The following WDTC1 variants were observed in gnomAD, a reference collection of about 807,000 sequenced individuals.
The protein encoded by WDTC1 is WD and tetratricopeptide repeats 1.
Under a neutral mutation model 76.0 loss-of-function variants are expected in WDTC1, and 12 were observed. That is an observed-to-expected ratio of 0.16 (90% CI 0.10 to 0.26). The LOEUF is 0.26. Ranked by LOEUF, WDTC1 falls within the 10% of genes least tolerant of loss-of-function variation. The probability of loss-of-function intolerance (pLI) is 1.00; values close to 1 mark genes in which losing one functional copy is unlikely to be tolerated. For missense variants in WDTC1, 511 were observed against 908.8 expected (o/e 0.56, Z 5.63); for synonymous variants, 326 against 350.8 (o/e 0.93, Z 0.79).
At chr1:27,244,424 G>A (rs577314796) in intron 1 of WDTC1, among the ~76,000 whole-genome samples, 1 of 152,188 alleles carries the variant, frequency 6.6e-6, no homozygotes, top group South Asian at 2.1e-4. Context: ...TCAAACTCCT[G>A]GGCTCAAGCA....
At chr1:27,281,120 C>G (rs947456696) in intron 3 of WDTC1, among the ~76,000 whole-genome samples, 7 of 151,906 alleles carry the variant, frequency 4.6e-5, no homozygotes, top group Non-Finnish European at 8.8e-5. Context: ...CTCCTGTACC[C>G]CCAGCATCTG....
At chr1:27,275,059 A>C (rs529205820) in intron 3 of WDTC1, among the ~76,000 whole-genome samples, 4 of 152,222 alleles carry the variant, frequency 2.6e-5, no homozygotes, top group Admixed American at 1.3e-4. Flanking sequence ...AAAATGGCTT[A>C]ATAGATAGTT....
chr1:27,299,937 A>G (rs2013789473), intron 12 of WDTC1, among the ~76,000 whole-genome samples: 1 of 152,004 alleles, frequency 6.6e-6, no homozygotes, highest in Admixed American at 6.5e-5. Context: ...GGGAGCTGTC[A>G]CCCTCTGGCT....
At chr1:27,286,619 GC>G (rs1160975831) in intron 5 of WDTC1, among the ~76,000 whole-genome samples, 1 of 150,910 alleles carries the variant, frequency 6.6e-6, no homozygotes, top group Non-Finnish European at 1.5e-5. Context: ...ACAGGCGCAC[GC>G]CCGGCTAATT....
In WDTC1 at chr1:27,298,076, T is replaced by C. The variant is rs1386974604; in HGVS notation, c.1197T>C (p.Tyr399=). ...VQRAPHNAML[Y]GNRAAAYMKR... ...GGGCCCCTCACAATGCCATGCTTTATGGAAACCGAGCAGCAGCCTACATGA... is the reference window on the plus strand; with the variant it reads ...GGGCCCCTCACAATGCCATGCTTTACGGAAACCGAGCAGCAGCCTACATGA... The change falls in exon 12 of 16, where the codon TAT becomes TAC. Residue 399 remains tyrosine (Y), a synonymous_variant. Coordinates refer to ENST00000319394, the MANE Select transcript of WDTC1 (RefSeq NM_001276252.2). The C allele has an allele frequency of 1.2e-6, 2 of 1,613,048 alleles. No individual in the cohort carries two copies. Among genetic ancestry groups the C allele is most frequent in the African/African-American group, 1.3e-5 (1 of 74,916 alleles).
chr1:27,275,872 C>T lies in WDTC1; in HGVS notation c.133-6367C>T, dbSNP rs567322295. ...ATGTTTTCATCACCCCAAAAAGGAA[C>T]CTCTTACCCATCTTAGCAGTCACTT... On this transcript the variant is annotated intron_variant, in intron 3 of 15. Coordinates refer to ENST00000319394, the MANE Select transcript of WDTC1 (RefSeq NM_001276252.2). Among the ~76,000 whole-genome samples, 10 of 152,298 alleles carry T rather than the reference C, an allele frequency of 6.6e-5. No homozygotes were observed. In the East Asian group the frequency reaches 1.3e-3, roughly 21 times the overall value.
rs553213081 is a variant in WDTC1 at position 27,264,452 on chromosome 1, TA to T, written c.132+1228del. ...AATTAAAATGAAATAATAAAATGTTTAAAAAAAAAAACCAAAACCAAAAACC... is the reference window on the plus strand; with the variant it reads ...AATTAAAATGAAATAATAAAATGTTTAAAAAAAAAACCAAAACCAAAAACC... On this transcript the variant is annotated intron_variant, in intron 3 of 15. Coordinates refer to ENST00000319394, the MANE Select transcript of WDTC1 (RefSeq NM_001276252.2). Among the ~76,000 whole-genome samples, 38 of 146,328 alleles carry T rather than the reference TA, an allele frequency of 2.6e-4. No homozygotes were observed. In the East Asian group the frequency reaches 5.7e-3, roughly 22 times the overall value.
intron 7 of WDTC1, among the ~76,000 whole-genome samples, 187 bp downstream of exon 7, chr1:27,292,584 C>T (rs1355647803): frequency 6.6e-6 from 1 of 151,892 alleles, no homozygotes; most frequent in Non-Finnish European, 1.5e-5. Context: ...CACGCCACCT[C>T]GCTTGGCTAA....
chr1:27,282,538 T>G (rs2013216756), intron 4 of WDTC1, among the ~76,000 whole-genome samples: 1 of 152,150 alleles, frequency 6.6e-6, no homozygotes, highest in Non-Finnish European at 1.5e-5. Flanking sequence ...AGTCTCATTC[T>G]GTCACCCAGG....
intron 5 of WDTC1, 82 bp downstream of exon 5, chr1:27,283,531 A>T (rs2013251277): frequency 7.7e-7 from 1 of 1,296,552 alleles, no homozygotes; most frequent in Admixed American, 1.8e-5. Flanking sequence ...CCATGTTGGT[A>T]TGTGTGTGTC....
chr1:27,248,419 T>A (rs1259322655), intron 1 of WDTC1, among the ~76,000 whole-genome samples: 12 of 152,242 alleles, frequency 7.9e-5, no homozygotes, highest in Non-Finnish European at 1.3e-4. Context: ...CTGAGCTTTT[T>A]TTCATATGCT....
chr1:27,252,969 GAGA>G (rs1211802193), intron 1 of WDTC1, among the ~76,000 whole-genome samples: 2 of 151,242 alleles, frequency 1.3e-5, no homozygotes, highest in Non-Finnish European at 1.5e-5. Context: ...AATGAGTATA[GAGA>G]AGGTTTAACT....
rs147288503 is a variant in WDTC1, at chr1:27,283,584, A to G, written c.291+135A>G. The stretch of plus-strand genomic sequence containing the variant: ...TCACAGACAACCTTATGATCTAAGT[A>G]TCTGTTGGTGATTCCTGAAACCTCA... On this transcript the variant is annotated intron_variant, in intron 5 of 15. Transcript: ENST00000319394. The G allele has an allele frequency of 1.6e-4, 111 of 676,900 alleles. No individual in the cohort carries two copies. The African/African-American group carries it at 1.8e-3, about 11-fold the overall frequency. The allele number at this position is 676,900 out of a possible 1,614,324, so 41.9% of individuals were successfully genotyped here.
rs1406901532 is a variant in WDTC1, at chr1:27,271,628, TTTTAA to T, written c.132+8408_132+8412del. Among the ~76,000 whole-genome samples, 3 of 151,840 alleles carry T rather than the reference TTTTAA, an allele frequency of 2.0e-5. No homozygotes were observed. In the South Asian group the frequency reaches 6.2e-4, roughly 32 times the overall value. On this transcript the variant is annotated intron_variant, in intron 3 of 15. Coordinates refer to ENST00000319394, the MANE Select transcript of WDTC1 (RefSeq NM_001276252.2). Reference sequence around the variant, plus strand: ...AATTTACTTTTTGTATTTTATTTTATTTTAATTTAATTTAATTTATTTTATTTGAG... The same window carrying T: ...AATTTACTTTTTGTATTTTATTTTATTTTAATTTAATTTATTTTATTTGAG...
At chr1:27,278,799 C>G (rs887941931) in intron 3 of WDTC1, among the ~76,000 whole-genome samples, 4 of 152,208 alleles carry the variant, frequency 2.6e-5, no homozygotes, top group Non-Finnish European at 4.4e-5. Flanking sequence ...CTTTCCCTGA[C>G]CACTATATCT....
chr1:27,265,783 A>C (rs1326571462), intron 3 of WDTC1, among the ~76,000 whole-genome samples: 2 of 151,906 alleles, frequency 1.3e-5, no homozygotes. Context: ...CCATCTCTAC[A>C]AAAAAATACA....
intron 1 of WDTC1, among the ~76,000 whole-genome samples, chr1:27,253,632 C>T (rs2147920655): frequency 6.6e-6 from 1 of 151,882 alleles, no homozygotes; most frequent in Non-Finnish European, 1.5e-5. Context: ...TAGGCGTGAG[C>T]CGCCACATTC....
chr1:27,237,831 A>G (rs1192259737), intron 1 of WDTC1, among the ~76,000 whole-genome samples: 2 of 148,016 alleles, frequency 1.4e-5, no homozygotes, highest in Admixed American at 6.9e-5. Context: ...ATTGCACTCC[A>G]GCCTGGGCAA....
At position 27,294,035 on chromosome 1, in the gene WDTC1, C is replaced by G; in HGVS notation, c.676C>G (p.Gln226Glu). 6.2e-7 allele frequency: 1 copy of G among 1,614,050 alleles called. No individual in the cohort carries two copies. The highest frequency in any genetic ancestry group is 8.5e-7 in the Non-Finnish European group (1 of 1,179,956). ...CCTTCCCACCAGAAAGAGCATGAAG[C>G]AGAGCCCTTCAGCGGGTGTGCACAC... ...MIHNHRKSMKQSPSAGVHTFC... is the reference protein window; with the variant it reads ...MIHNHRKSMKESPSAGVHTFC... Residue 226 changes from glutamine to glutamate, a missense_variant, in exon 8 of 16, where the codon CAG (glutamine) becomes GAG (glutamate). By Grantham distance (29) the Gln-to-Glu change is conservative. Coordinates refer to ENST00000319394, the MANE Select transcript of WDTC1 (RefSeq NM_001276252.2).
Sources: allele counts gnomAD v4.1 joint callset (sites outside exome capture counted in the v4.1 genomes callset), GRCh38; gene constraint gnomAD v4.1.1; transcripts MANE v1.5; gene names NCBI Gene and HGNC (gene_info 2026-07-23, HGNC 2026-07-21).